Variants in CERKL observed in about 807,000 individuals in gnomAD.
CERKL encodes the protein CERK like autophagy regulator.
Under a neutral mutation model 63.4 loss-of-function variants are expected in CERKL, and 61 were observed. That is an observed-to-expected ratio of 0.96 (90% CI 0.78 to 1.19). The LOEUF is 1.19. CERKL is among the 50% of genes most tolerant of loss of function. The pLI is 0.00. For synonymous variants in CERKL, 250 were observed against 230.5 expected, an observed-to-expected ratio of 1.08 and a Z score of -0.77; for missense variants, 675 against 655.5, an observed-to-expected ratio of 1.03 and a Z score of -0.33.
intron 2 of CERKL, among the ~76,000 whole-genome samples, chr2:181,601,809 T>A (rs1685470397): frequency 6.6e-6 from 1 of 152,142 alleles, no homozygotes; most frequent in Non-Finnish European, 1.5e-5. Flanking sequence ...ATTTTAACAG[T>A]TTGTTTGTAT....
rs781199510 is a variant in CERKL, at chr2:181,558,247, G to A, written c.820+319C>T. On this transcript the variant is annotated intron_variant, in intron 5 of 12. Coordinates refer to ENST00000410087, the MANE Select transcript of CERKL (RefSeq NM_201548.5). The surrounding 1 kb of genome is among the most constrained non-coding windows in gnomAD (Gnocchi z 4.2). ...TGTGTAATCAACAGATTTTTTATGC[G>A]AAGGGAGAATAATAACCATTCCATA... is the stretch of plus-strand genomic sequence containing the variant. 8.5e-5 allele frequency among the ~76,000 whole-genome samples: 13 copies of A among 152,096 alleles called. No individual in the cohort carries two copies. The highest frequency in any genetic ancestry group is 1.9e-4 in the East Asian group (1 of 5,178).
chr2:181,654,008 G>T (rs1365633034), intron 1 of CERKL, among the ~76,000 whole-genome samples: 1 of 152,100 alleles, frequency 6.6e-6, no homozygotes, highest in Non-Finnish European at 1.5e-5. Flanking sequence ...ACATCAAATA[G>T]TATCTCATAA....
At chr2:181,613,908 T>C (rs2105908555) in intron 1 of CERKL, among the ~76,000 whole-genome samples, 1 of 152,364 alleles carries the variant, frequency 6.6e-6, no homozygotes, top group African/African-American at 2.4e-5. Context: ...ATGTATATAA[T>C]ATTAGTTTTA....
chr2:181,545,109 T>C (rs1269114030), intron 10 of CERKL, among the ~76,000 whole-genome samples: 2 of 152,168 alleles, frequency 1.3e-5, no homozygotes, highest in African/African-American at 4.8e-5. Flanking sequence ...TACAATGTAA[T>C]TAGAAATTCT....
chr2:181,621,645 A>G (rs1220307145), intron 1 of CERKL, among the ~76,000 whole-genome samples: 2 of 152,214 alleles, frequency 1.3e-5, no homozygotes, highest in African/African-American at 4.8e-5. Context: ...TAGTACTATG[A>G]TAAGAAGCCA....
At chr2:181,624,095 G>A (rs1253129779) in intron 1 of CERKL, among the ~76,000 whole-genome samples, 1 of 152,162 alleles carries the variant, frequency 6.6e-6, no homozygotes, top group Admixed American at 6.6e-5. Context: ...GTGCTAGTGA[G>A]AAAGCAGGAG....
rs1255396223 is a variant in CERKL, at chr2:181,558,858, G to A, written c.678-150C>T. On this transcript the variant is annotated intron_variant, in intron 4 of 12. Coordinates refer to ENST00000410087, the MANE Select transcript of CERKL (RefSeq NM_201548.5). This position sits in a 1 kb window ranked among gnomAD's most constrained non-coding sequence, Gnocchi z 4.2. Reference sequence around the variant, plus strand: ...TTTAAACATGTTAATATGTGTCAATGGGTAAGACAACACAAACACAACACA... The same window carrying A: ...TTTAAACATGTTAATATGTGTCAATAGGTAAGACAACACAAACACAACACA... 1 of 757,034 alleles carries A rather than the reference G, an allele frequency of 1.3e-6. No homozygotes were observed. Among genetic ancestry groups the A allele is most frequent in the African/African-American group, 1.7e-5 (1 of 57,730 alleles). The allele number at this position is 757,034 out of a possible 1,614,324, so 46.9% of individuals were successfully genotyped here.
intron 1 of CERKL, among the ~76,000 whole-genome samples, chr2:181,611,723 CA>C (rs1208503366): frequency 1.3e-5 from 2 of 152,006 alleles, no homozygotes. Flanking sequence ...GAAAGATGTT[CA>C]AAATAGTACA....
chr2:181,567,715 A>C (rs1175314947), intron 3 of CERKL, among the ~76,000 whole-genome samples: 2 of 152,198 alleles, frequency 1.3e-5, no homozygotes, highest in African/African-American at 4.8e-5. Flanking sequence ...GAGATAGACA[A>C]TATATGCTAA....
intron 1 of CERKL, among the ~76,000 whole-genome samples, chr2:181,636,323 T>C (rs1687178644): frequency 6.6e-6 from 1 of 152,124 alleles, no homozygotes; most frequent in Admixed American, 6.6e-5. Context: ...CCAAATTTTG[T>C]CTTTGACAAT....
At chr2:181,545,126 G>GA (rs1687665388) in intron 10 of CERKL, among the ~76,000 whole-genome samples, 2 of 152,254 alleles carry the variant, frequency 1.3e-5, no homozygotes, top group South Asian at 4.1e-4. Flanking sequence ...TTCTAAATGT[G>GA]AAACTATGTT....
intron 2 of CERKL, among the ~76,000 whole-genome samples, chr2:181,585,150 A>G (rs899821290): frequency 4.6e-5 from 7 of 152,078 alleles, no homozygotes; most frequent in African/African-American, 1.7e-4. Context: ...ATCACTTGAC[A>G]TAATAGAAAT....
chr2:181,633,063 G>A (rs918988269), intron 1 of CERKL, among the ~76,000 whole-genome samples: 5 of 152,148 alleles, frequency 3.3e-5, no homozygotes, highest in African/African-American at 7.2e-5. Context: ...GCATAGCCAC[G>A]CTTGGGTTTT....
At chr2:181,627,050 G>A (rs1686738445) in intron 1 of CERKL, among the ~76,000 whole-genome samples, 1 of 152,168 alleles carries the variant, frequency 6.6e-6, no homozygotes, top group African/African-American at 2.4e-5. Context: ...ATTGCTTGTA[G>A]AGGCAAGAAA....
chr2:181,548,537 TTACC>T lies in CERKL; in HGVS notation c.1133+4_1133+7del, dbSNP rs1365868916. On this transcript the variant is annotated splice_donor_5th_base_variant and intron_variant, in intron 8 of 12. Transcript: ENST00000410087. ...AGGTTATCTGTATTACATTGAGTTT[TTACC>T]TACCTTTCTTGCACATCATCAGAGC... The T allele has an allele frequency of 6.3e-7, 1 of 1,599,312 alleles. No homozygotes were observed. Among genetic ancestry groups the T allele is most frequent in the Admixed American group, 1.7e-5 (1 of 59,766 alleles).
At chr2:181,578,128 A>G (rs955462652) in intron 2 of CERKL, among the ~76,000 whole-genome samples, 1 of 152,168 alleles carries the variant, frequency 6.6e-6, no homozygotes, top group African/African-American at 2.4e-5. Flanking sequence ...TTCTTGCACA[A>G]CAATCACTGA....
At chr2:181,577,992 AC>A (rs1298922967) in intron 2 of CERKL, among the ~76,000 whole-genome samples, 1 of 152,122 alleles carries the variant, frequency 6.6e-6, no homozygotes, top group Non-Finnish European at 1.5e-5. Context: ...AAGTGACCTC[AC>A]TGCAAACATT....
At position 181,550,562 on chromosome 2, in the gene CERKL, G is replaced by T. The variant is rs987533701; in HGVS notation, c.821-854C>A. ...TTTCTTGAATTAAAGAATATAATAAGTAAGTCCAATAATAGCCAAGAGCTG... is the reference window on the plus strand; with the variant it reads ...TTTCTTGAATTAAAGAATATAATAATTAAGTCCAATAATAGCCAAGAGCTG... On this transcript the variant is annotated intron_variant, in intron 5 of 12. Coordinates refer to ENST00000410087, the MANE Select transcript of CERKL (RefSeq NM_201548.5). This position sits in a 1 kb window ranked among gnomAD's most constrained non-coding sequence, Gnocchi z 4.5. 1.3e-5 allele frequency among the ~76,000 whole-genome samples: 2 copies of T among 152,138 alleles called. No individual in the cohort carries two copies. Among genetic ancestry groups the T allele is most frequent in the African/African-American group, 2.4e-5 (1 of 41,442 alleles).
intron 4 of CERKL, among the ~76,000 whole-genome samples, chr2:181,562,160 T>G (rs1688476923): frequency 6.6e-6 from 1 of 152,142 alleles, no homozygotes. Flanking sequence ...AAGCATTTCT[T>G]TCTGCTGACT....
Sources: gnomAD v4.1 joint callset for allele counts (sites outside exome capture counted in the v4.1 genomes callset) on GRCh38, gnomAD v4.1.1 for gene constraint, Gnocchi (gnomAD v3.1) non-coding constraint, MANE v1.5 for transcripts, NCBI Gene and HGNC (gene_info 2026-07-23, HGNC 2026-07-21) for gene names.